Variants in SNX19 observed in about 807,000 individuals in gnomAD.
SNX19 encodes the protein sorting nexin-19.
A neutral mutation model predicts 85.2 loss-of-function variants in SNX19; 60 were observed. The ratio of observed to expected loss-of-function variants is 0.70; its 90% CI spans 0.57 to 0.87. The LOEUF is 0.87. Among genes scored for constraint, SNX19 ranks in the 40% least tolerant of loss-of-function variants. SNX19 has a pLI of 0.00. For missense variants in SNX19, 1,201 were observed against 1,217.8 expected, an observed-to-expected ratio of 0.99 and a Z score of 0.21; for synonymous variants, 520 against 470.0, an observed-to-expected ratio of 1.11 and a Z score of -1.38.
chr11:130,914,147 G>T, intron 1 of SNX19, 119 bp downstream of exon 1: 2 of 761,566 alleles, frequency 2.6e-6, no homozygotes, highest in Non-Finnish European at 4.2e-6. Flanking sequence ...AGAGATAGAT[G>T]CCTATTGAAA....
chr11:130,899,500 G>A (rs1320723500), intron 8 of SNX19, among the ~76,000 whole-genome samples: 1 of 152,186 alleles, frequency 6.6e-6, no homozygotes, highest in Non-Finnish European at 1.5e-5. Context: ...ATGATTTGTA[G>A]GGATACATGA....
In SNX19 at chr11:130,911,726, G is replaced by A; in HGVS notation, c.1720C>T (p.Leu574=). ...DGENSSGLQQ[L]AYHTVNRRYR... is the part of the protein sequence containing the mutation. Reference sequence around the variant, plus strand: ...CGACGATTCACAGTGTGGTAGGCCAGCTGCTGCAGGCCGCTGCTGTTTTCA... The same window carrying A: ...CGACGATTCACAGTGTGGTAGGCCAACTGCTGCAGGCCGCTGCTGTTTTCA... The change falls in exon 2 of 11, where the codon CTG becomes TTG. Residue 574 remains leucine, a synonymous_variant. Transcript: ENST00000265909. 1 of 1,614,206 alleles carries A rather than the reference G, an allele frequency of 6.2e-7. No homozygotes were observed. The highest frequency in any genetic ancestry group is 8.5e-7 in the Non-Finnish European group (1 of 1,180,036).
In SNX19 at chr11:130,875,484, T is replaced by C. The variant is rs751521037; in HGVS notation, c.*2938A>G. On this transcript the variant is annotated 3_prime_UTR_variant, in exon 11 of 11. Transcript: ENST00000265909. Reference sequence around the variant, plus strand: ...GTACCGTCTCAAAATAAATAAATAATGTACTGTACACTTAAGAGGGTAGAT... The same window carrying C: ...GTACCGTCTCAAAATAAATAAATAACGTACTGTACACTTAAGAGGGTAGAT... The C allele has an allele frequency of 3.9e-5, 6 of 152,206 alleles. No homozygotes were observed. The highest frequency in any genetic ancestry group is 4.4e-5 in the Non-Finnish European group (3 of 68,044). 9.4% of individuals were successfully genotyped at this position (152,206 alleles called of 1,614,324 possible).
rs1943127627 is a variant in SNX19 at position 130,874,034 on chromosome 11, T to TA, written c.*4387_*4388insT. On this transcript the variant is annotated 3_prime_UTR_variant, in exon 11 of 11. Transcript: ENST00000265909. ...GTCATAAGAGGTTTTTTGTTTTTTT[T>TA]TTTTTTATTTGGGGTCTCACTCTGT... Among the ~76,000 whole-genome samples, 1 of 152,070 alleles carries TA rather than the reference T, an allele frequency of 6.6e-6. No individual in the cohort carries two copies.
rs760885516 is a variant in SNX19 at position 130,910,130 on chromosome 11, C to G, written c.1922G>C (p.Cys641Ser). ...ACTGTTAGCGATCTCCGGAATGGCA[C>G]AGAGTTGCTGCAAAAGTAAAACACA... ...SLLESFLKQL[C>S]AIPEIANSEE... Residue 641 changes from cysteine to serine, a missense_variant, in exon 4 of 11, where the codon TGT becomes TCT. Cys to Ser is a moderately radical substitution (Grantham distance 112). Transcript: ENST00000265909. The G allele has an allele frequency of 6.2e-7, 1 of 1,614,174 alleles. No homozygotes were observed. Among genetic ancestry groups the G allele is most frequent in the Non-Finnish European group, 8.5e-7 (1 of 1,180,020 alleles).
intron 8 of SNX19, among the ~76,000 whole-genome samples, chr11:130,883,030 G>A (rs981855341): frequency 3.3e-5 from 5 of 152,134 alleles, no homozygotes; most frequent in Non-Finnish European, 5.9e-5. Flanking sequence ...TTTATCTGAT[G>A]GGGACAGGAC....
chr11:130,903,112 A>G lies in SNX19; in HGVS notation c.2573+143T>C, dbSNP rs1407827863. 4 of 1,183,000 alleles carry G rather than the reference A, an allele frequency of 3.4e-6. No individual in the cohort carries two copies. In the South Asian group the frequency reaches 6.3e-5, roughly 19 times the overall value. 73.3% of individuals were successfully genotyped at this position (1,183,000 alleles called of 1,614,324 possible). A position where few individuals can be genotyped will look rare whatever the true frequency, so the allele number is the denominator to read the frequency against. ...TCAATAAAAGCTTTCTGATACTCTC[A>G]AGGCATTTTTCATCCCTGTAACCCC... is the stretch of plus-strand genomic sequence containing the variant. On this transcript the variant is annotated intron_variant, in intron 8 of 10. Transcript: ENST00000265909.
In SNX19 at chr11:130,869,327, TAAGTA is replaced by T. The variant is rs1263463214; in HGVS notation, c.*9090_*9094del. ...TCATTACATTGCCTATCAGTGCAGTTAAGTAAAAAGGCACATGGAACTATATGAAC... is the reference window on the plus strand; with the variant it reads ...TCATTACATTGCCTATCAGTGCAGTTAAAAGGCACATGGAACTATATGAAC... On this transcript the variant is annotated 3_prime_UTR_variant, in exon 11 of 11. Transcript: ENST00000265909. 6.6e-6 allele frequency: 1 copy of T among 152,248 alleles called. No individual in the cohort carries two copies. 9.4% of individuals were successfully genotyped at this position (152,248 alleles called of 1,614,324 possible). A position where few individuals can be genotyped will look rare whatever the true frequency, so the allele number is the denominator to read the frequency against.
chr11:130,886,133 C>T (rs982431714), intron 8 of SNX19, among the ~76,000 whole-genome samples: 1 of 152,174 alleles, frequency 6.6e-6, no homozygotes, highest in Non-Finnish European at 1.5e-5. Context: ...TTGTATCAGG[C>T]TACTTTCACA....
chr11:130,914,519 T>C lies in SNX19; in HGVS notation c.1421A>G (p.Lys474Arg). The C allele has an allele frequency of 4.3e-6, 7 of 1,613,980 alleles. No homozygotes were observed. The highest frequency in any genetic ancestry group is 5.9e-6 in the Non-Finnish European group (7 of 1,179,860). Residue 474 changes from lysine (K) to arginine (R), a missense_variant, in exon 1 of 11, where the codon AAG becomes AGG. Transcript: ENST00000265909. Reference sequence around the variant, plus strand: ...GCATGACGGCCGTGAGGGGCAGGTCTTTTCTGGCCCCTCCAGCAAAGCTGT... The same window carrying C: ...GCATGACGGCCGTGAGGGGCAGGTCCTTTCTGGCCCCTCCAGCAAAGCTGT... ...SVTALLEGPEKTCPSRPSCLE... is the reference protein window; with the variant it reads ...SVTALLEGPERTCPSRPSCLE...
Position 130,916,280 on chromosome 11 carries a change from A to C in SNX19, c.-341T>G. On this transcript the variant is annotated 5_prime_UTR_variant, in exon 1 of 11. Transcript: ENST00000265909. ...GGCCCTGGGGCCCACGGACACTTAC[A>C]CACGCAGCGGGCAGCGGCCGGCGAA... The C allele has an allele frequency of 3.9e-6, 1 of 255,634 alleles. No homozygotes were observed. The highest frequency in any genetic ancestry group is 2.2e-5 in the African/African-American group (1 of 45,332). The allele number at this position is 255,634 out of a possible 1,614,324, so 15.8% of individuals were successfully genotyped here.
rs1188329926 is a variant in SNX19, at chr11:130,866,532, A to G, written c.*11890T>C. ...TTTTACCTCCTTAAGATGGCAGATT[A>G]GAAGACCCTCTTCCCCAGGAGAGTG... is the stretch of plus-strand genomic sequence containing the variant. On this transcript the variant is annotated 3_prime_UTR_variant, in exon 11 of 11. Coordinates refer to ENST00000265909, the MANE Select transcript of SNX19 (RefSeq NM_014758.3). The G allele has an allele frequency of 1.3e-5, 2 of 152,226 alleles. No individual in the cohort carries two copies. The highest frequency in any genetic ancestry group is 4.8e-5 in the African/African-American group (2 of 41,456). 9.4% of individuals were successfully genotyped at this position (152,226 alleles called of 1,614,324 possible).
chr11:130,905,854 T>C (rs758968536), intron 7 of SNX19, 99 bp downstream of exon 7: 22 of 1,593,096 alleles, frequency 1.4e-5, no homozygotes, highest in Non-Finnish European at 1.6e-5. Context: ...CTCAGCTGAA[T>C]GGAACAGAAA....
intron 8 of SNX19, among the ~76,000 whole-genome samples, chr11:130,884,713 A>G (rs11222375): frequency 0.16 from 24,122 of 151,538 alleles, 2,163 homozygotes; most frequent in Middle Eastern, 0.24. Context: ...CTAAAAATAC[A>G]AAAAAAATTA....
Position 130,873,665 on chromosome 11 carries a change from A to G in SNX19, c.*4757T>C, listed in dbSNP as rs780083702. Among the ~76,000 whole-genome samples, 34 of 152,112 alleles carry G rather than the reference A, an allele frequency of 2.2e-4. No homozygotes were observed. Among genetic ancestry groups the G allele is most frequent in the Non-Finnish European group, 4.0e-4 (27 of 68,014 alleles). On this transcript the variant is annotated 3_prime_UTR_variant, in exon 11 of 11. Coordinates refer to ENST00000265909, the MANE Select transcript of SNX19 (RefSeq NM_014758.3). Reference sequence around the variant, plus strand: ...AATTACTTTTGCACCAACCCACTACATCAGAACCTACCTTTAAGGGTTGAT... The same window carrying G: ...AATTACTTTTGCACCAACCCACTACGTCAGAACCTACCTTTAAGGGTTGAT...
intron 8 of SNX19, among the ~76,000 whole-genome samples, chr11:130,894,141 G>A (rs112169051): frequency 3.9e-5 from 6 of 152,282 alleles, no homozygotes; most frequent in African/African-American, 1.2e-4. Flanking sequence ...AATACATAAT[G>A]TATAAGATTT....
At chr11:130,898,056 A>G (rs1316358500) in intron 8 of SNX19, among the ~76,000 whole-genome samples, 1 of 151,972 alleles carries the variant, frequency 6.6e-6, no homozygotes, top group African/African-American at 2.4e-5. Flanking sequence ...TTCTCTCCAC[A>G]TCATCAACAA....
At chr11:130,905,650 T>A in intron 7 of SNX19, 3 of 1,481,268 alleles carry the variant, frequency 2.0e-6, no homozygotes, top group Non-Finnish European at 2.7e-6. Context: ...AATGCAAGAG[T>A]CTGATATGCC....
chr11:130,876,280 C>A lies in SNX19; in HGVS notation c.*2142G>T, dbSNP rs556610026. 6.6e-6 allele frequency: 1 copy of A among 152,288 alleles called. No individual in the cohort carries two copies. Among genetic ancestry groups the A allele is most frequent in the Non-Finnish European group, 1.5e-5 (1 of 68,028 alleles). The allele number at this position is 152,288 out of a possible 1,614,324, so 9.4% of individuals were successfully genotyped here. A position where few individuals can be genotyped will look rare whatever the true frequency, so the allele number is the denominator to read the frequency against. On this transcript the variant is annotated 3_prime_UTR_variant, in exon 11 of 11. Coordinates refer to ENST00000265909, the MANE Select transcript of SNX19 (RefSeq NM_014758.3). ...AATTGTTACTCTCTTGTTGTCTGAA[C>A]CTGCTAGCCAAACTTGGCAGGTCGT... is the stretch of plus-strand genomic sequence containing the variant.
Sources: gnomAD v4.1 joint callset for allele counts (sites outside exome capture counted in the v4.1 genomes callset) on GRCh38, gnomAD v4.1.1 for gene constraint, MANE v1.5 for transcripts, NCBI Gene and HGNC (gene_info 2026-07-23, HGNC 2026-07-21) for gene names.